Variants in CLDN14 observed in about 807,000 individuals in gnomAD.
The protein encoded by CLDN14 is claudin-14.
A neutral mutation model predicts 2.1 loss-of-function variants in CLDN14; 2 were observed. The ratio of observed to expected loss-of-function variants is 0.96; its 90% CI spans 0.39 to 3.01. CLDN14 has a LOEUF of 3.01. Among genes scored for constraint, CLDN14 ranks in the 30% most tolerant of loss-of-function variants. The pLI, the probability that CLDN14 is intolerant of heterozygous loss-of-function variation, is 0.09. For missense variants in CLDN14, 298 were observed against 328.0 expected, an observed-to-expected ratio of 0.91 and a Z score of 0.71; for synonymous variants, 136 against 154.4, an observed-to-expected ratio of 0.88 and a Z score of 0.88.
chr21:36,527,570 G>A (rs571643418), intron 1 of CLDN14, among the ~76,000 whole-genome samples: 50 of 152,202 alleles, frequency 3.3e-4, no homozygotes, highest in Non-Finnish European at 6.6e-4. Flanking sequence ...ATTTCCCGTC[G>A]ATTACTCACC....
chr21:36,496,628 CA>C (rs1770921033), intron 2 of CLDN14, among the ~76,000 whole-genome samples: 1 of 140,650 alleles, frequency 7.1e-6, no homozygotes, highest in African/African-American at 2.7e-5. Context: ...CGAATGCTTG[CA>C]AATCACTCAG....
chr21:36,480,991 A>G (rs1001821277), upstream of CLDN14: 3 of 152,220 alleles, frequency 2.0e-5, no homozygotes, highest in African/African-American at 7.2e-5. Context: ...TGGAGCAGGC[A>G]TTCGGAAGCA....
At chr21:36,507,601 T>C (rs979337653) in intron 2 of CLDN14, among the ~76,000 whole-genome samples, 2 of 152,126 alleles carry the variant, frequency 1.3e-5, no homozygotes, top group African/African-American at 4.8e-5. Context: ...CCGTCTCTAC[T>C]AAAAATACAA....
At chr21:36,532,523 C>G (rs574779617) in intron 1 of CLDN14, 2 of 151,908 alleles carry the variant, frequency 1.3e-5, no homozygotes, top group South Asian at 2.1e-4. Context: ...GTGCAGCACA[C>G]CAACATGGCA....
intron 1 of CLDN14, among the ~76,000 whole-genome samples, chr21:36,545,388 A>G (rs2087519752): frequency 6.6e-6 from 1 of 152,172 alleles, no homozygotes; most frequent in Non-Finnish European, 1.5e-5. Flanking sequence ...ATTAGGTATC[A>G]GTGCCTAGGC....
intron 1 of CLDN14, among the ~76,000 whole-genome samples, chr21:36,568,119 C>G (rs2087685757): frequency 6.6e-6 from 1 of 152,128 alleles, no homozygotes; most frequent in African/African-American, 2.4e-5. Context: ...TGGGAGGTTA[C>G]AGAGTGGATG....
chr21:36,472,154 T>G (rs2086718079), intron 1 of CLDN14, among the ~76,000 whole-genome samples: 1 of 152,224 alleles, frequency 6.6e-6, no homozygotes. Flanking sequence ...TGTCCAAGGT[T>G]ACGTCTGGGC....
chr21:36,475,954 G>A (rs2086773496), intron 1 of CLDN14, among the ~76,000 whole-genome samples: 1 of 152,060 alleles, frequency 6.6e-6, no homozygotes, highest in African/African-American at 2.4e-5. Context: ...TTACAGGCAT[G>A]AGCCACCACC....
At chr21:36,535,466 A>C (rs2087416800) in intron 1 of CLDN14, among the ~76,000 whole-genome samples, 1 of 152,234 alleles carries the variant, frequency 6.6e-6, no homozygotes, top group South Asian at 2.1e-4. Flanking sequence ...ATGGTAATGG[A>C]AAAAAGCATG....
intron 2 of CLDN14, among the ~76,000 whole-genome samples, chr21:36,488,753 G>A (rs1053666301): frequency 1.3e-5 from 2 of 152,090 alleles, no homozygotes; most frequent in Non-Finnish European, 2.9e-5. Flanking sequence ...CATGATATGC[G>A]TGTACTTAAT....
chr21:36,572,675 G>T (rs1247914319), intron 1 of CLDN14, among the ~76,000 whole-genome samples: 1 of 152,154 alleles, frequency 6.6e-6, no homozygotes, highest in Non-Finnish European at 1.5e-5. Context: ...GGATGCTTTG[G>T]AAGACCCTGG....
intron 1 of CLDN14, among the ~76,000 whole-genome samples, chr21:36,563,045 G>T (rs2087647592): frequency 6.6e-6 from 1 of 151,978 alleles, no homozygotes; most frequent in Non-Finnish European, 1.5e-5. Flanking sequence ...TTCTTCAGGG[G>T]AGTCATATTT....
upstream of CLDN14, among the ~76,000 whole-genome samples, chr21:36,484,238 G>A (rs219739): frequency 0.31 from 47,771 of 152,140 alleles, 8,751 homozygotes; most frequent in African/African-American, 0.52. Flanking sequence ...ACGCATGCAT[G>A]TCCATTAGAT....
At chr21:36,524,644 C>A (rs1311265574) in intron 1 of CLDN14, among the ~76,000 whole-genome samples, 1 of 152,218 alleles carries the variant, frequency 6.6e-6, no homozygotes, top group East Asian at 1.9e-4. Flanking sequence ...CGTATACCTA[C>A]AGCCTCCTGG....
intron 1 of CLDN14, among the ~76,000 whole-genome samples, chr21:36,472,781 G>A (rs1417803161): frequency 6.6e-6 from 1 of 152,164 alleles, no homozygotes; most frequent in African/African-American, 2.4e-5. Context: ...TTGCATGCAG[G>A]CAGAGGAAAT....
At chr21:36,572,730 G>C (rs1307744922) in intron 1 of CLDN14, among the ~76,000 whole-genome samples, 1 of 152,098 alleles carries the variant, frequency 6.6e-6, no homozygotes, top group African/African-American at 2.4e-5. Flanking sequence ...TTTAAACCTT[G>C]ACTCTACTGC....
intron 2 of CLDN14, among the ~76,000 whole-genome samples, chr21:36,497,887 G>T (rs1232692796): frequency 6.6e-6 from 1 of 152,158 alleles, no homozygotes; most frequent in Non-Finnish European, 1.5e-5. Context: ...TGAGGCTGTG[G>T]TTTAATTTCC....
At chr21:36,489,131 A>AAAATATAT in intron 2 of CLDN14, among the ~76,000 whole-genome samples, 143 of 62,730 alleles carry the variant, frequency 2.3e-3, no homozygotes, top group Admixed American at 4.1e-3. Context: ...AAAAAAAAAA[A>AAAATATAT]ATATATATAT....
chr21:36,523,360 T>C (rs2087287266), intron 1 of CLDN14, among the ~76,000 whole-genome samples: 1 of 152,204 alleles, frequency 6.6e-6, no homozygotes, highest in Admixed American at 6.5e-5. Flanking sequence ...AGATGATCTG[T>C]GTTCCCCCAA....
Sources: gnomAD v4.1 joint callset for allele counts (sites outside exome capture counted in the v4.1 genomes callset) on GRCh38, gnomAD v4.1.1 for gene constraint, MANE v1.5 for transcripts, NCBI Gene and HGNC (gene_info 2026-07-23, HGNC 2026-07-21) for gene names.